The following SLC16A2 variants were observed in gnomAD, a reference collection of about 807,000 sequenced individuals.
SLC16A2 encodes the protein monocarboxylate transporter 8.
A neutral mutation model predicts 27.2 loss-of-function variants in SLC16A2; 3 were observed. The ratio of observed to expected loss-of-function variants is 0.11; its 90% confidence interval spans 0.05 to 0.28. SLC16A2 has a LOEUF of 0.28. SLC16A2 is among the 10% of genes least tolerant of loss of function. The pLI is 1.00. For synonymous variants in SLC16A2, 202 were observed against 187.8 expected (o/e 1.08, Z -0.62); for missense variants, 295 against 458.5 (o/e 0.64, Z 3.26).
In SLC16A2 at chrX:74,465,428, T is replaced by C. The variant is rs1929233859; in HGVS notation, c.430+43361T>C. Among the ~76,000 whole-genome samples the C allele has an allele frequency of 4.5e-5, 5 of 110,890 alleles. No homozygotes were observed. In the South Asian group the frequency reaches 1.9e-3, roughly 43 times the overall value. On this transcript the variant is annotated intron_variant, in intron 1 of 5. Transcript: ENST00000587091. ...GCAGAACCCTTCAGAGAGCATTGAC[T>C]CATCAGCTGCTACAACCTGATGAGC...
rs1930456811 is a variant in SLC16A2 at position 74,524,389 on chromosome X, G to T, written c.606G>T (p.Gly202=). The change falls in exon 3 of 6, where the codon GGG becomes GGT. Residue 202 remains glycine (G), a synonymous_variant. Coordinates refer to ENST00000587091, the MANE Select transcript of SLC16A2 (RefSeq NM_006517.5). ...SSLSLRYFTY[G]ILFGCGCSFA... is the part of the protein sequence containing the mutation. ...TAAGCCTGCGCTACTTCACCTACGG[G>T]ATTCTCTTTGGTTGTGGCTGTTCCT... is the stretch of plus-strand genomic sequence containing the variant. The T allele has an allele frequency of 8.3e-7, 1 of 1,209,689 alleles. No individual in the cohort carries two copies. The highest frequency in any genetic ancestry group is 1.1e-6 in the Non-Finnish European group (1 of 895,234).
intron 1 of SLC16A2, among the ~76,000 whole-genome samples, chrX:74,506,667 G>A (rs981285552): frequency 3.6e-5 from 4 of 110,975 alleles, no homozygotes; most frequent in African/African-American, 1.3e-4. Context: ...GGAGATCTCA[G>A]GGACTTTCCC....
chrX:74,439,564 G>C (rs907073372), intron 1 of SLC16A2, among the ~76,000 whole-genome samples: 5 of 99,688 alleles, frequency 5.0e-5, no homozygotes, highest in Admixed American at 2.3e-4. Context: ...ACCTCCCAAA[G>C]TGTTGGGATT....
chrX:74,422,989 C>G (rs1198576995), intron 1 of SLC16A2, among the ~76,000 whole-genome samples: 2 of 113,289 alleles, frequency 1.8e-5, no homozygotes, highest in African/African-American at 6.4e-5. Context: ...CTGACTTGAT[C>G]TCAGACAGAG....
rs772448870 is a variant in SLC16A2 at position 74,423,084 on chromosome X, C to G, written c.430+1017C>G. On this transcript the variant is annotated intron_variant, in intron 1 of 5. Transcript: ENST00000587091. ...TCTTCTCATTGAGGCCGCCTGTGAG[C>G]TGGGAGAAGTCAGAGGAACCATCTC... Among the ~76,000 whole-genome samples the G allele has an allele frequency of 2.7e-5, 3 of 112,854 alleles. No homozygotes were observed. In the East Asian group the frequency reaches 8.4e-4, roughly 32 times the overall value.
intron 1 of SLC16A2, among the ~76,000 whole-genome samples, chrX:74,444,745 A>G (rs1319827486): frequency 8.9e-6 from 1 of 112,312 alleles, no homozygotes; most frequent in African/African-American, 3.2e-5. Context: ...AGTACTGTTC[A>G]AAAAGGAGGA....
chrX:74,473,245 TC>T, intron 1 of SLC16A2: 4 of 761,437 alleles, frequency 5.3e-6, no homozygotes, highest in Non-Finnish European at 8.0e-6. Context: ...ATTATAGCCA[TC>T]CCCACCGCCA....
At chrX:74,530,737 G>A (rs964938082) in intron 5 of SLC16A2, among the ~76,000 whole-genome samples, 5 of 111,621 alleles carry the variant, frequency 4.5e-5, no homozygotes, top group African/African-American at 1.3e-4. Flanking sequence ...GAGGTACTAC[G>A]AGGTACCACA....
intron 1 of SLC16A2, among the ~76,000 whole-genome samples, chrX:74,462,726 A>G (rs1929175381): frequency 8.9e-6 from 1 of 112,090 alleles, no homozygotes; most frequent in Admixed American, 9.5e-5. Context: ...CAGCCCTGGG[A>G]GACCATGACC....
intron 1 of SLC16A2, among the ~76,000 whole-genome samples, chrX:74,476,778 G>A (rs1273440837): frequency 6.3e-5 from 7 of 111,777 alleles, no homozygotes; most frequent in Non-Finnish European, 9.4e-5. Context: ...GCTGGATTAC[G>A]TTTATTGATT....
rs147814121 is a variant in SLC16A2, at chrX:74,529,273, G to C, written c.1231G>C (p.Gly411Arg). ...GATGATTCCCCTGTGCCGGGACTTC[G>C]GGGGCCTTATCGTCGTCTGTCTTTT... ...SMMIPLCRDFGGLIVVCLFLG... is the reference protein window; with the variant it reads ...SMMIPLCRDFRGLIVVCLFLG... The change falls in exon 5 of 6, where the codon GGG (glycine) becomes CGG (arginine). Residue 411 changes from glycine (G) to arginine (R), a missense_variant. Transcript: ENST00000587091. 5.8e-6 allele frequency: 7 copies of C among 1,210,212 alleles called. No individual in the cohort carries two copies. In the African/African-American group the frequency reaches 1.2e-4, roughly 21 times the overall value.
intron 4 of SLC16A2, among the ~76,000 whole-genome samples, 186 bp from the exon 5 acceptor site, chrX:74,529,027 G>A (rs749176485): frequency 8.9e-6 from 1 of 111,921 alleles, no homozygotes; most frequent in Admixed American, 9.5e-5. Flanking sequence ...CTTGGACTTT[G>A]AATCCCTCAG....
intron 1 of SLC16A2, among the ~76,000 whole-genome samples, chrX:74,476,619 A>C (rs1354776241): frequency 3.6e-5 from 4 of 111,897 alleles, no homozygotes. Context: ...TGGGTTTGTC[A>C]TAAATAGCTC....
At chrX:74,494,673 A>T (rs943423744) in intron 1 of SLC16A2, among the ~76,000 whole-genome samples, 1 of 111,000 alleles carries the variant, frequency 9.0e-6, no homozygotes, top group African/African-American at 3.3e-5. Context: ...GAAACCATGG[A>T]CCTGCAGGCT....
At chrX:74,502,889 G>A (rs1241813402) in intron 1 of SLC16A2, among the ~76,000 whole-genome samples, 4 of 110,517 alleles carry the variant, frequency 3.6e-5, no homozygotes, top group African/African-American at 1.3e-4. Flanking sequence ...TGGCATTTGG[G>A]ATCACCAAAC....
chrX:74,455,176 A>C (rs1450844436), intron 1 of SLC16A2, among the ~76,000 whole-genome samples: 1 of 111,930 alleles, frequency 8.9e-6, no homozygotes, highest in Non-Finnish European at 1.9e-5. Context: ...GTTTAAATGA[A>C]TTGATATATC....
At chrX:74,477,357 T>G (rs1223873397) in intron 1 of SLC16A2, among the ~76,000 whole-genome samples, 2 of 111,736 alleles carry the variant, frequency 1.8e-5, no homozygotes, top group Admixed American at 1.9e-4. Context: ...TGCATCTATT[T>G]GATTCTTCTC....
chrX:74,488,197 AAT>A (rs1184958243), intron 1 of SLC16A2, among the ~76,000 whole-genome samples: 1 of 111,783 alleles, frequency 8.9e-6, no homozygotes, highest in Non-Finnish European at 1.9e-5. Flanking sequence ...TTGGTAGTGA[AAT>A]GTCACTTCCA....
intron 1 of SLC16A2, among the ~76,000 whole-genome samples, chrX:74,450,766 C>T (rs1375540706): frequency 3.6e-5 from 4 of 111,926 alleles, no homozygotes; most frequent in Admixed American, 9.5e-5. Context: ...CTTTGATGTC[C>T]CATGAGAAGT....
Sources: gnomAD v4.1 joint callset for allele counts (sites outside exome capture counted in the v4.1 genomes callset) on GRCh38, gnomAD v4.1.1 for gene constraint, MANE v1.5 for transcripts, NCBI Gene and HGNC (gene_info 2026-07-23, HGNC 2026-07-21) for gene names.